The following RFX3 variants were observed in gnomAD, a reference collection of about 807,000 sequenced individuals.
RFX3 encodes transcription factor RFX3.
In RFX3, 14 loss-of-function variants were observed where a neutral mutation model predicts 98.6. The observed-to-expected ratio is 0.14, with a 90% CI of 0.09 to 0.22. The LOEUF (loss-of-function observed/expected upper bound fraction) is 0.22. Among genes scored for constraint, RFX3 ranks in the 10% least tolerant of loss-of-function variants. The pLI, the probability that RFX3 is intolerant of heterozygous loss-of-function variation, is 1.00. For synonymous variants in RFX3, 383 were observed against 328.4 expected (o/e 1.17, Z -1.80); for missense variants, 639 against 926.9 (o/e 0.69, Z 4.03).
chr9:3,403,657 A>G, intron 1 of RFX3, among the ~76,000 whole-genome samples: 1 of 152,296 alleles, frequency 6.6e-6, no homozygotes, highest in South Asian at 2.1e-4. Flanking sequence ...AAATTACTGT[A>G]ATTTTTATCT....
At chr9:3,270,642 T>G (rs1824300522) in intron 10 of RFX3, 117 bp from the exon 11 acceptor site, 1 of 989,684 alleles carries the variant, frequency 1.0e-6, no homozygotes, top group South Asian at 1.6e-5. Context: ...ATACCACCAT[T>G]GCACTGGTGC....
intron 2 of RFX3, among the ~76,000 whole-genome samples, chr9:3,356,691 C>G (rs1440623572): frequency 1.3e-5 from 2 of 151,830 alleles, no homozygotes; most frequent in Admixed American, 6.6e-5. Flanking sequence ...ATACTACAAA[C>G]TAATGTCTCT....
At chr9:3,452,027 A>C (rs1429689808) in intron 1 of RFX3, among the ~76,000 whole-genome samples, 1 of 152,138 alleles carries the variant, frequency 6.6e-6, no homozygotes. Context: ...TCTGCATCTG[A>C]GTTCTGCTCT....
At chr9:3,477,739 T>C (rs1250445513) in intron 1 of RFX3, among the ~76,000 whole-genome samples, 2 of 152,182 alleles carry the variant, frequency 1.3e-5, no homozygotes, top group Non-Finnish European at 2.9e-5. Context: ...TTTTTAAATA[T>C]TCTTTCTGCC....
chr9:3,241,852 C>T (rs1295516158), intron 15 of RFX3, among the ~76,000 whole-genome samples: 1 of 152,004 alleles, frequency 6.6e-6, no homozygotes, highest in African/African-American at 2.4e-5. Flanking sequence ...TAAATATCTA[C>T]TAACAAAAAG....
At chr9:3,421,200 T>G (rs1405062723) in intron 1 of RFX3, among the ~76,000 whole-genome samples, 2 of 152,146 alleles carry the variant, frequency 1.3e-5, no homozygotes, top group Non-Finnish European at 2.9e-5. Context: ...TCTAAAGAAC[T>G]ACTCAGATCA....
chr9:3,449,161 T>A (rs540084779), intron 1 of RFX3, among the ~76,000 whole-genome samples: 6 of 152,298 alleles, frequency 3.9e-5, no homozygotes, highest in African/African-American at 1.4e-4. Context: ...AATTAAATGA[T>A]ATCATATTAA....
At chr9:3,315,894 AC>A (rs1235181119) in intron 4 of RFX3, among the ~76,000 whole-genome samples, 1 of 152,166 alleles carries the variant, frequency 6.6e-6, no homozygotes, top group Non-Finnish European at 1.5e-5. Flanking sequence ...TAGCCTACCA[AC>A]CAAAAAAAGT....
chr9:3,504,955 TATTA>T (rs1335765318), intron 1 of RFX3, among the ~76,000 whole-genome samples: 2 of 71,096 alleles, frequency 2.8e-5, no homozygotes, highest in African/African-American at 1.3e-4. Flanking sequence ...ATATAATATA[TATTA>T]TATATAATAT....
intron 1 of RFX3, among the ~76,000 whole-genome samples, chr9:3,473,416 A>G (rs569339427): frequency 2.6e-5 from 4 of 152,352 alleles, no homozygotes; most frequent in Middle Eastern, 3.4e-3. Context: ...TCTAGCCAAG[A>G]AGACTACCTA....
chr9:3,470,622 C>G (rs1040524717), intron 1 of RFX3, among the ~76,000 whole-genome samples: 1 of 152,164 alleles, frequency 6.6e-6, no homozygotes. Context: ...GCCACCGCAC[C>G]GGGCCAAAGC....
intron 4 of RFX3, among the ~76,000 whole-genome samples, chr9:3,305,812 T>A (rs1421902299): frequency 6.6e-6 from 1 of 152,088 alleles, no homozygotes; most frequent in Non-Finnish European, 1.5e-5. Context: ...CATCAAAGAT[T>A]AAATTGATTT....
chr9:3,450,104 A>G (rs1436978423), intron 1 of RFX3, among the ~76,000 whole-genome samples: 1 of 152,222 alleles, frequency 6.6e-6, no homozygotes, highest in Non-Finnish European at 1.5e-5. Context: ...TGCTAAAGAG[A>G]GTATTTGCCT....
chr9:3,449,466 G>GT lies in RFX3; in HGVS notation c.-8-53871dup, dbSNP rs144388190. ...ACCTGCCTGGTTCTTTTCCTCATTG[G>GT]TGCTGTGCTTCTTTCTAATTACAAC... On this transcript the variant is annotated intron_variant, in intron 1 of 16. Coordinates refer to ENST00000617270, the MANE Select transcript of RFX3 (RefSeq NM_001282116.2). Among the ~76,000 whole-genome samples, 398 of 152,252 alleles carry GT rather than the reference G, an allele frequency of 2.6e-3. 2 individuals carry two copies. Among genetic ancestry groups the GT allele is most frequent in the African/African-American group, 9.2e-3 (382 of 41,532 alleles).
intron 1 of RFX3, among the ~76,000 whole-genome samples, chr9:3,505,708 CA>C (rs1365033633): frequency 6.6e-6 from 1 of 151,228 alleles, no homozygotes. Context: ...ACCTTATCTG[CA>C]AGGTGTTCTT....
intron 1 of RFX3, among the ~76,000 whole-genome samples, chr9:3,431,119 G>C (rs1373043338): frequency 6.6e-6 from 1 of 152,204 alleles, no homozygotes; most frequent in African/African-American, 2.4e-5. Flanking sequence ...TTGTGAGTGA[G>C]CTCAAGTGCT....
At chr9:3,396,817 C>G (rs1282028719) in intron 1 of RFX3, among the ~76,000 whole-genome samples, 1 of 152,086 alleles carries the variant, frequency 6.6e-6, no homozygotes, top group Non-Finnish European at 1.5e-5. Flanking sequence ...TTTCATGTGT[C>G]TTTTGGCTGC....
At chr9:3,518,095 T>C (rs1162297969) in intron 1 of RFX3, among the ~76,000 whole-genome samples, 5 of 152,242 alleles carry the variant, frequency 3.3e-5, no homozygotes, top group South Asian at 2.1e-4. Flanking sequence ...CGCAGGTTTA[T>C]AGACGAGAAC....
chr9:3,285,243 T>C (rs992331631), intron 7 of RFX3, among the ~76,000 whole-genome samples: 1 of 151,984 alleles, frequency 6.6e-6, no homozygotes, highest in Middle Eastern at 3.4e-3. Context: ...CGTGAATATT[T>C]TGAAATATCT....
Sources: gnomAD v4.1 joint callset for allele counts (sites outside exome capture counted in the v4.1 genomes callset) on GRCh38, gnomAD v4.1.1 for gene constraint, MANE v1.5 for transcripts, NCBI Gene and HGNC (gene_info 2026-07-23, HGNC 2026-07-21) for gene names.